Variants in KIAA1958 observed in about 807,000 individuals in gnomAD.
The protein encoded by KIAA1958 is uncharacterized protein KIAA1958.
Under a neutral mutation model 47.2 loss-of-function variants are expected in KIAA1958, and 14 were observed. That is an observed-to-expected ratio of 0.30 (90% CI 0.20 to 0.46). The LOEUF (loss-of-function observed/expected upper bound fraction) is 0.46, where lower values mean the gene tolerates loss of function less well. KIAA1958 is among the 20% of genes least tolerant of loss of function. The pLI, the probability that KIAA1958 is intolerant of heterozygous loss-of-function variation, is 1.00. For missense variants in KIAA1958, 803 were observed against 909.2 expected, an observed-to-expected ratio of 0.88 and a Z score of 1.50; for synonymous variants, 354 against 353.3, an observed-to-expected ratio of 1.00 and a Z score of -0.02.
rs369235667 is a variant in KIAA1958, at chr9:112,636,889, A to G, written c.1172-8761A>G. On this transcript the variant is annotated intron_variant, in intron 2 of 3. Coordinates refer to ENST00000337530, the MANE Select transcript of KIAA1958 (RefSeq NM_133465.4). Reference sequence around the variant, plus strand: ...GGATATATTTATGTTTAGATCTATCATCTTACACTTTTTTGGTCCCATCTA... The same window carrying G: ...GGATATATTTATGTTTAGATCTATCGTCTTACACTTTTTTGGTCCCATCTA... 3.2e-4 allele frequency among the ~76,000 whole-genome samples: 48 copies of G among 152,276 alleles called. 1 individual carries two copies. The South Asian group carries it at 7.0e-3, about 22-fold the overall frequency.
At chr9:112,492,719 T>C (rs1564147358) in intron 1 of KIAA1958, among the ~76,000 whole-genome samples, 1 of 152,182 alleles carries the variant, frequency 6.6e-6, no homozygotes, top group East Asian at 1.9e-4. Context: ...TGTTTTTAAA[T>C]GCTTTATTTT....
chr9:112,607,639 A>G (rs1295632964), intron 2 of KIAA1958, among the ~76,000 whole-genome samples: 1 of 151,706 alleles, frequency 6.6e-6, no homozygotes, highest in Non-Finnish European at 1.5e-5. Context: ...TTGAAAGGAT[A>G]TACTCTGTAC....
At chr9:112,502,497 T>C (rs1369234723) in intron 1 of KIAA1958, among the ~76,000 whole-genome samples, 1 of 152,182 alleles carries the variant, frequency 6.6e-6, no homozygotes, top group East Asian at 1.9e-4. Flanking sequence ...ATTGTATCAG[T>C]TTATACTTGC....
chr9:112,611,792 AGAGT>A (rs1347273827), intron 2 of KIAA1958, among the ~76,000 whole-genome samples: 1 of 152,104 alleles, frequency 6.6e-6, no homozygotes, highest in African/African-American at 2.4e-5. Flanking sequence ...CTGAAATAAT[AGAGT>A]AAGGAGGGGA....
At chr9:112,632,685 CT>C (rs1836731014) in intron 2 of KIAA1958, among the ~76,000 whole-genome samples, 1 of 151,666 alleles carries the variant, frequency 6.6e-6, no homozygotes, top group Non-Finnish European at 1.5e-5. Context: ...GTTATTTTTC[CT>C]TTTGGTTTGT....
intron 2 of KIAA1958, among the ~76,000 whole-genome samples, chr9:112,631,340 A>AGCATAGT: frequency 6.6e-6 from 1 of 152,162 alleles, no homozygotes; most frequent in East Asian, 1.9e-4. Flanking sequence ...CTAGGCAGGC[A>AGCATAGT]GCATAGTGAG....
At chr9:112,632,655 C>T (rs1277706215) in intron 2 of KIAA1958, among the ~76,000 whole-genome samples, 1 of 152,002 alleles carries the variant, frequency 6.6e-6, no homozygotes, top group Non-Finnish European at 1.5e-5. Flanking sequence ...CTGTCATATC[C>T]TGGGCCCTTT....
At chr9:112,578,021 G>A (rs1835679437) in intron 2 of KIAA1958, among the ~76,000 whole-genome samples, 1 of 151,964 alleles carries the variant, frequency 6.6e-6, no homozygotes, top group Non-Finnish European at 1.5e-5. Flanking sequence ...TCCAAGGATG[G>A]TCCTCATATT....
intron 1 of KIAA1958, among the ~76,000 whole-genome samples, chr9:112,505,613 A>C (rs1010316465): frequency 6.6e-6 from 1 of 152,224 alleles, no homozygotes; most frequent in Non-Finnish European, 1.5e-5. Flanking sequence ...TAAAACTAAT[A>C]ACTTTAATTA....
chr9:112,512,634 GTA>G (rs1312607301), intron 1 of KIAA1958, among the ~76,000 whole-genome samples: 7 of 151,920 alleles, frequency 4.6e-5, no homozygotes, highest in African/African-American at 1.5e-4. Context: ...CACGTAGCAT[GTA>G]AGTCAGGCAA....
intron 1 of KIAA1958, among the ~76,000 whole-genome samples, chr9:112,532,467 T>A (rs554944112): frequency 1.1e-4 from 16 of 152,350 alleles, no homozygotes; most frequent in Admixed American, 2.0e-4. Flanking sequence ...GTGCCCTGCC[T>A]CTTTCCTTTC....
rs541845355 is a variant in KIAA1958, at chr9:112,618,016, G to A, written c.1172-27634G>A. 15 of 1,550,566 alleles carry A rather than the reference G, an allele frequency of 9.7e-6. No individual in the cohort carries two copies. The African/African-American group carries it at 1.8e-4, about 18-fold the overall frequency. ...GAGAGATTTATGTCATCCCTTGCAA[G>A]GAGTTGGATGCCTACCTTGCCTCTT... On this transcript the variant is annotated intron_variant, in intron 2 of 3. Coordinates refer to ENST00000337530, the MANE Select transcript of KIAA1958 (RefSeq NM_133465.4). This position sits in a 1 kb window ranked among gnomAD's most constrained non-coding sequence, Gnocchi z 7.1.
At chr9:112,510,399 A>G (rs975737460) in intron 1 of KIAA1958, among the ~76,000 whole-genome samples, 2 of 152,224 alleles carry the variant, frequency 1.3e-5, no homozygotes, top group Non-Finnish European at 2.9e-5. Context: ...TCTTCCAGAT[A>G]TTTAAGCAGT....
At chr9:112,588,576 T>C (rs2131187710) in intron 2 of KIAA1958, among the ~76,000 whole-genome samples, 1 of 152,336 alleles carries the variant, frequency 6.6e-6, no homozygotes. Flanking sequence ...TACTAAAATG[T>C]GCAGAAGTGT....
chr9:112,576,547 CT>C (rs960605358), intron 2 of KIAA1958, among the ~76,000 whole-genome samples: 1 of 152,092 alleles, frequency 6.6e-6, no homozygotes, highest in African/African-American at 2.4e-5. Context: ...TGCTAATCTG[CT>C]TTCTGTCTAT....
chr9:112,555,592 A>G (rs1188557658), intron 1 of KIAA1958, among the ~76,000 whole-genome samples: 4 of 152,254 alleles, frequency 2.6e-5, no homozygotes, highest in Non-Finnish European at 5.9e-5. Flanking sequence ...CTTCTGCTCC[A>G]TGGATGGCAT....
rs762229640 is a variant in KIAA1958, at chr9:112,661,389, T to TA, written c.*1322dup. ...GAGCTCAAAGAGTGCTCATTAAGAG[T>TA]AACAATAATTTCTAGGGACCTTGAC... On this transcript the variant is annotated 3_prime_UTR_variant, in exon 4 of 4. Transcript: ENST00000337530. The TA allele has an allele frequency of 6.6e-6, 1 of 152,144 alleles. No individual in the cohort carries two copies. Among genetic ancestry groups the TA allele is most frequent in the African/African-American group, 2.4e-5 (1 of 41,416 alleles). 9.4% of individuals were successfully genotyped at this position (152,144 alleles called of 1,614,324 possible).
At chr9:112,649,409 T>C (rs1019478754) in intron 3 of KIAA1958, among the ~76,000 whole-genome samples, 24 of 151,996 alleles carry the variant, frequency 1.6e-4, no homozygotes, top group East Asian at 1.9e-4. Flanking sequence ...TCTCCTGCCT[T>C]GGACCTCCCA....
At chr9:112,513,115 C>T (rs1004130037) in intron 1 of KIAA1958, among the ~76,000 whole-genome samples, 11 of 149,638 alleles carry the variant, frequency 7.4e-5, no homozygotes, top group Admixed American at 1.3e-4. Flanking sequence ...AGCGATTCTC[C>T]TGCTTCAGCC....
Sources: gnomAD v4.1 joint callset for allele counts (sites outside exome capture counted in the v4.1 genomes callset) on GRCh38, gnomAD v4.1.1 for gene constraint, Gnocchi (gnomAD v3.1) non-coding constraint, MANE v1.5 for transcripts, NCBI Gene and HGNC (gene_info 2026-07-23, HGNC 2026-07-21) for gene names.